UBR4: variants seen among roughly 807,000 people sequenced by gnomAD.
The protein encoded by UBR4 is ubiquitin protein ligase E3 component n-recognin 4, also known as E3 ubiquitin-protein ligase UBR4.
UBR4 carries 124 observed loss-of-function variants against 575.6 expected under a neutral mutation model. The observed-to-expected ratio is 0.22, with a 90% CI of 0.19 to 0.25. The LOEUF (loss-of-function observed/expected upper bound fraction) is 0.25, where lower values mean the gene tolerates loss of function less well. UBR4 is among the 10% of genes least tolerant of loss of function. UBR4 has a pLI of 1.00. For synonymous variants in UBR4, 2,455 were observed against 2,473.7 expected, an observed-to-expected ratio of 0.99 and a Z score of 0.22; for missense variants, 4,818 against 6,478.8, an observed-to-expected ratio of 0.74 and a Z score of 8.80.
In UBR4 at chr1:19,084,587, G is replaced by A. The variant is rs61996290; in HGVS notation, c.14925C>T (p.Ser4975=). The A allele has an allele frequency of 4.0e-4, 650 of 1,614,220 alleles. 4 individuals are homozygous for A. In the African/African-American group the frequency reaches 7.7e-3, roughly 19 times the overall value. Residue 4975 remains serine, a synonymous_variant, in exon 102 of 106, where the codon AGC becomes AGT. Transcript: ENST00000375254. ...CCCGGCCGCCCCCGCCAGTGTCTGC[G>A]CTGAACGACTGCTCCATGGCGAAGC... is the stretch of plus-strand genomic sequence containing the variant. The part of the protein sequence containing the change: ...FLRFAMEQSF[S]ADTGGGGRES...
chr1:19,164,243 A>C lies in UBR4; in HGVS notation c.4700+10T>G, dbSNP rs756647991. ...TGTTGTAACCTACAGATACAACTTC[A>C]TCATCTTACCATCTGCTCAGCCAAT... On this transcript the variant is annotated intron_variant, in intron 33 of 105. Coordinates refer to ENST00000375254, the MANE Select transcript of UBR4 (RefSeq NM_020765.3). 1.2e-6 allele frequency: 2 copies of C among 1,608,050 alleles called. No individual in the cohort carries two copies. The highest frequency in any genetic ancestry group is 2.2e-5 in the South Asian group (2 of 90,702).
intron 60 of UBR4, among the ~76,000 whole-genome samples, chr1:19,132,605 T>TAAAAAAA: frequency 0.051 from 1,226 of 23,828 alleles, 74 homozygotes; most frequent in Admixed American, 0.075. Flanking sequence ...TAAAAAATGG[T>TAAAAAAA]AAAAAAAAAA....
At chr1:19,077,102 A>G (rs112288474) in intron 104 of UBR4, among the ~76,000 whole-genome samples, 200 bp from the exon 105 acceptor site, 2 of 152,112 alleles carry the variant, frequency 1.3e-5, no homozygotes, top group Admixed American at 6.5e-5. Context: ...GGCCCTCCTT[A>G]TTAGGCACTG....
At chr1:19,101,779 T>A in intron 87 of UBR4, 138 bp from the exon 88 acceptor site, 1 of 1,360,894 alleles carries the variant, frequency 7.3e-7, no homozygotes, top group Non-Finnish European at 9.9e-7. Flanking sequence ...GCAATATCAA[T>A]AGTTCAAATT....
intron 100 of UBR4, 54 bp downstream of exon 100, chr1:19,086,625 C>T (rs1322105134): frequency 5.6e-6 from 9 of 1,601,348 alleles, no homozygotes; most frequent in Non-Finnish European, 7.7e-6. Flanking sequence ...CCACCCGCTC[C>T]AGGCCCACAG....
rs2077042333 is a variant in UBR4 at position 19,086,624 on chromosome 1, C to G, written c.14687+55G>C. 1.0e-5 allele frequency: 16 copies of G among 1,600,980 alleles called. No individual in the cohort carries two copies. The South Asian group carries it at 1.8e-4, about 18-fold the overall frequency. On this transcript the variant is annotated intron_variant, in intron 100 of 105. Transcript: ENST00000375254. ...CACGAGGATGGCAGTCCCACCCGCT[C>G]CAGGCCCACAGGCAGGCCTACTGAA... is the stretch of plus-strand genomic sequence containing the variant.
intron 81 of UBR4, among the ~76,000 whole-genome samples, chr1:19,108,499 T>A (rs2079484377): frequency 6.6e-6 from 1 of 152,204 alleles, no homozygotes; most frequent in African/African-American, 2.4e-5. Context: ...CAGAGGCGCT[T>A]TCTGTGTACT....
At chr1:19,142,042 C>A (rs922050554) in intron 55 of UBR4, among the ~76,000 whole-genome samples, 1 of 152,180 alleles carries the variant, frequency 6.6e-6, no homozygotes, top group Non-Finnish European at 1.5e-5. Context: ...ACTTGGATTC[C>A]AAAGGGATTT....
At chr1:19,121,586 C>A in intron 67 of UBR4, 152 bp from the exon 68 acceptor site, 1 of 1,112,160 alleles carries the variant, frequency 9.0e-7, no homozygotes, top group Non-Finnish European at 1.3e-6. Context: ...AGAAGTTATA[C>A]TTTCTGTGGA....
chr1:19,103,746 T>C (rs1415480254), intron 87 of UBR4, among the ~76,000 whole-genome samples: 3 of 151,836 alleles, frequency 2.0e-5, no homozygotes, highest in African/African-American at 7.3e-5. Flanking sequence ...AGAGTGAAAA[T>C]GGAGTTTCAC....
At chr1:19,104,361 T>C (rs943761977) in intron 86 of UBR4, 104 bp from the exon 87 acceptor site, 5 of 1,424,274 alleles carry the variant, frequency 3.5e-6, no homozygotes, top group African/African-American at 2.8e-5. Context: ...GGAAAATCTA[T>C]CTTTGTGCAT....
At chr1:19,145,508 G>GAGACACACACACACACACACACACAC (rs770813058) in intron 53 of UBR4, among the ~76,000 whole-genome samples, 2 of 145,002 alleles carry the variant, frequency 1.4e-5, no homozygotes, top group African/African-American at 2.6e-5. Context: ...AAACCACTGA[G>GAGACACACACACACACACACACACAC]ACACACACAC....
chr1:19,178,969 G>T, intron 18 of UBR4, 82 bp downstream of exon 18: 1 of 1,527,240 alleles, frequency 6.5e-7, no homozygotes, highest in Non-Finnish European at 8.9e-7. Context: ...AAGCCTCAAA[G>T]CCACAGATTA....
intron 2 of UBR4, among the ~76,000 whole-genome samples, chr1:19,201,279 T>C (rs1436594841): frequency 6.6e-6 from 1 of 152,192 alleles, no homozygotes; most frequent in Non-Finnish European, 1.5e-5. Context: ...GAACTGAAGT[T>C]GAAATCCCTT....
In UBR4 at chr1:19,157,686, T is replaced by C. The variant is rs1451494535; in HGVS notation, c.5760+129A>G. On this transcript the variant is annotated intron_variant, in intron 40 of 105. Transcript: ENST00000375254. This position sits in a 1 kb window ranked among gnomAD's most constrained non-coding sequence, Gnocchi z 4.4. ...TGAAAAGCTCAACAAGATCTGTCCC[T>C]GAAGCATTCTTAGAACGCAGTGGAC... 8.3e-7 allele frequency: 1 copy of C among 1,201,212 alleles called. No individual in the cohort carries two copies. Among genetic ancestry groups the C allele is most frequent in the African/African-American group, 1.5e-5 (1 of 65,304 alleles). 74.4% of individuals were successfully genotyped at this position (1,201,212 alleles called of 1,614,324 possible). A position where few individuals can be genotyped will look rare whatever the true frequency, so the allele number is the denominator to read the frequency against.
At chr1:19,129,217 A>G in intron 60 of UBR4, 143 bp from the exon 61 acceptor site, 1 of 645,268 alleles carries the variant, frequency 1.5e-6, no homozygotes, top group South Asian at 2.1e-5. Context: ...ATTAAAAAAA[A>G]AAGTTAAGAA....
chr1:19,096,725 G>A, intron 91 of UBR4, 75 bp from the exon 92 acceptor site: 1 of 1,553,538 alleles, frequency 6.4e-7, no homozygotes, highest in Non-Finnish European at 8.7e-7. Flanking sequence ...GGATAAGACA[G>A]CCCTATTCCT....
rs767537110 is a variant in UBR4 at position 19,093,403 on chromosome 1, T to C, written c.14021A>G (p.Asn4674Ser). 2 of 1,614,250 alleles carry C rather than the reference T, an allele frequency of 1.2e-6. No individual in the cohort carries two copies. Among genetic ancestry groups the C allele is most frequent in the Non-Finnish European group, 1.7e-6 (2 of 1,180,042 alleles). The change falls in exon 96 of 106, where the codon AAT becomes AGT. Residue 4674 changes from asparagine to serine, a missense_variant. Transcript: ENST00000375254. This position sits in a 1 kb window ranked among gnomAD's most constrained non-coding sequence, Gnocchi z 4.8. ...KIAAGIKNNS[N>S]GHQLKDLILQ... The stretch of plus-strand genomic sequence containing the variant: ...AATCAGATCCTTCAGCTGGTGCCCA[T>C]TGCTGTTGTTCTTGATGCCAGCAGC...
rs1298813975 is a variant in UBR4, at chr1:19,089,372, A to C, written c.14212-395T>G. On this transcript the variant is annotated intron_variant, in intron 97 of 105. Coordinates refer to ENST00000375254, the MANE Select transcript of UBR4 (RefSeq NM_020765.3). The surrounding 1 kb of genome is among the most constrained non-coding windows in gnomAD (Gnocchi z 4.3). ...TGTACTGAGTGGTGAACCAGCAGCCAGAGCAGGCACTGGACGTTCTCCTAA... is the reference window on the plus strand; with the variant it reads ...TGTACTGAGTGGTGAACCAGCAGCCCGAGCAGGCACTGGACGTTCTCCTAA... 2.6e-5 allele frequency among the ~76,000 whole-genome samples: 4 copies of C among 152,222 alleles called. No individual in the cohort carries two copies. Among genetic ancestry groups the C allele is most frequent in the Non-Finnish European group, 5.9e-5 (4 of 68,038 alleles).
Sources: gnomAD v4.1 joint callset for allele counts (sites outside exome capture counted in the v4.1 genomes callset) on GRCh38, gnomAD v4.1.1 for gene constraint, Gnocchi (gnomAD v3.1) non-coding constraint, MANE v1.5 for transcripts, NCBI Gene and HGNC (gene_info 2026-07-23, HGNC 2026-07-21) for gene names.